The following AEN variants were observed in gnomAD, a reference collection of about 807,000 sequenced individuals.
AEN encodes the protein apoptosis-enhancing nuclease.
AEN carries 21 observed loss-of-function variants against 17.7 expected under a neutral mutation model. That is an observed-to-expected ratio of 1.19 (90% confidence interval 0.84 to 1.71). AEN has a LOEUF of 1.71. Ranked by LOEUF, AEN falls within the 40% of genes most tolerant of loss-of-function variation. AEN has a pLI of 0.00. For missense variants in AEN, 462 were observed against 435.9 expected, an observed-to-expected ratio of 1.06 and a Z score of -0.53; for synonymous variants, 190 against 173.0, an observed-to-expected ratio of 1.10 and a Z score of -0.77.
upstream of AEN, among the ~76,000 whole-genome samples, chr15:88,618,657 CTGT>C (rs535915576): frequency 2.5e-4 from 38 of 152,190 alleles, no homozygotes; most frequent in African/African-American, 7.9e-4. Context: ...AGAGGTGAGT[CTGT>C]TGTTTTGATT....
At chr15:88,623,806 G>A (rs987768980) in intron 1 of AEN, among the ~76,000 whole-genome samples, 4 of 152,192 alleles carry the variant, frequency 2.6e-5, no homozygotes, top group Non-Finnish European at 5.9e-5. Context: ...CTTGTGGAAG[G>A]GCCACCAGAG....
the AEN span, among the ~76,000 whole-genome samples, chr15:88,612,440 C>T: frequency 8.5e-5 from 13 of 152,258 alleles, no homozygotes; most frequent in Admixed American, 7.8e-4. Context: ...ATTTCTTGGT[C>T]CCAGTACCTG....
chr15:88,621,953 A>G (rs1156701705), intron 1 of AEN: 2 of 152,144 alleles, frequency 1.3e-5, no homozygotes, highest in Non-Finnish European at 2.9e-5. Flanking sequence ...ATCAGATGTC[A>G]TATGGTAATT....
At chr15:88,621,055 G>C (rs114507431), upstream of AEN, among the ~76,000 whole-genome samples, 727 of 152,322 alleles carry the variant, frequency 4.8e-3, 10 homozygotes, top group African/African-American at 0.017. Flanking sequence ...CCCGACCCAG[G>C]TAGAGGAGTG....
upstream of AEN, among the ~76,000 whole-genome samples, chr15:88,618,617 G>A (rs1006595904): frequency 6.6e-6 from 1 of 152,212 alleles, no homozygotes; most frequent in Non-Finnish European, 1.5e-5. Flanking sequence ...TGAGTCCAGA[G>A]ATGAGTATCA....
chr15:88,605,833 C>T, the AEN span, among the ~76,000 whole-genome samples: 2 of 152,226 alleles, frequency 1.3e-5, no homozygotes, highest in Non-Finnish European at 2.9e-5. The surrounding 1 kb of genome is among the most constrained non-coding windows in gnomAD (Gnocchi z 7.6). Context: ...GGCTGGACAG[C>T]GCCCCGGCCC....
In AEN at chr15:88,629,226, A is replaced by G; in HGVS notation, c.541A>G (p.Ile181Val). 6.2e-7 allele frequency: 1 copy of G among 1,613,790 alleles called. No homozygotes were observed. The highest frequency in any genetic ancestry group is 8.5e-7 in the Non-Finnish European group (1 of 1,179,846). ...AVPFQVAQKEILKLLKGKVVV... is the reference protein window; with the variant it reads ...AVPFQVAQKEVLKLLKGKVVV... The stretch of plus-strand genomic sequence containing the variant: ...CCCTGACTCCTCTTTCTGCTCACAG[A>G]TCCTTAAGCTCCTGAAGGGCAAGGT... Residue 181 changes from isoleucine (I) to valine (V), a missense_variant and splice_region_variant, in exon 3 of 4, where the codon ATC (isoleucine) becomes GTC (valine). Transcript: ENST00000332810.
Position 88,630,683 on chromosome 15 carries a change from C to T in AEN, c.*389C>T, listed in dbSNP as rs1441716134. The T allele has an allele frequency of 4.1e-6, 1 of 243,070 alleles. No individual in the cohort carries two copies. Among genetic ancestry groups the T allele is most frequent in the African/African-American group, 2.2e-5 (1 of 44,964 alleles). 15.1% of individuals were successfully genotyped at this position (243,070 alleles called of 1,614,324 possible). ...GTGCTAATGAAAGGGATCATATCAT[C>T]CTCTCTGGGGATGGTGGGTGGGGGT... On this transcript the variant is annotated 3_prime_UTR_variant, in exon 4 of 4. Transcript: ENST00000332810. This position sits in a 1 kb window ranked among gnomAD's most constrained non-coding sequence, Gnocchi z 5.1.
At chr15:88,629,861 T>G (rs773562315) in intron 3 of AEN, among the ~76,000 whole-genome samples, 197 bp from the exon 4 acceptor site, 17 of 152,186 alleles carry the variant, frequency 1.1e-4, no homozygotes, top group Admixed American at 2.6e-4. Flanking sequence ...TGCCTTATAT[T>G]TGAGGAAAAC....
At position 88,627,536 on chromosome 15, in the gene AEN, C is replaced by A. The variant is rs571704506; in HGVS notation, c.540+787C>A. 5.3e-5 allele frequency: 8 copies of A among 150,668 alleles called. No individual in the cohort carries two copies. In the East Asian group the frequency reaches 1.6e-3, roughly 29 times the overall value. 9.3% of individuals were successfully genotyped at this position (150,668 alleles called of 1,614,324 possible). ...ATACACCAATAAGTATGGCACTTTA[C>A]CTTGAAAAAGACCTGAACTTGCTTG... On this transcript the variant is annotated intron_variant, in intron 2 of 3. Transcript: ENST00000332810.
At chr15:88,627,743 A>C (rs1384508141) in intron 2 of AEN, 3 of 152,188 alleles carry the variant, frequency 2.0e-5, no homozygotes, top group African/African-American at 7.2e-5. Context: ...CTCTTGGCTT[A>C]GTTCAGTTGG....
the AEN span, chr15:88,608,191 A>G: frequency 1.9e-6 from 1 of 530,070 alleles, no homozygotes; most frequent in South Asian, 1.4e-5. Context: ...TCCTTTTCTG[A>G]CTAGCTGAGT....
chr15:88,612,462 C>T, the AEN span, among the ~76,000 whole-genome samples: 1 of 152,208 alleles, frequency 6.6e-6, no homozygotes, highest in Non-Finnish European at 1.5e-5. Context: ...CTCTGTGCTG[C>T]TACATCCAGA....
the AEN span, among the ~76,000 whole-genome samples, chr15:88,609,142 G>A: frequency 6.6e-6 from 1 of 152,130 alleles, no homozygotes; most frequent in Non-Finnish European, 1.5e-5. Context: ...TCATCACGGT[G>A]CTATCAAGAG....
chr15:88,623,736 C>T (rs1026365096), intron 1 of AEN, among the ~76,000 whole-genome samples: 10 of 152,224 alleles, frequency 6.6e-5, no homozygotes, highest in Admixed American at 6.5e-4. Flanking sequence ...CTCTGGGGCT[C>T]CCCCACTCAC....
chr15:88,622,975 A>T (rs2057807032), intron 1 of AEN, among the ~76,000 whole-genome samples: 1 of 152,142 alleles, frequency 6.6e-6, no homozygotes, highest in Non-Finnish European at 1.5e-5. Context: ...CAGATAACTT[A>T]ATTTCTGGCT....
intron 1 of AEN, among the ~76,000 whole-genome samples, chr15:88,622,768 T>C (rs765711810): frequency 3.3e-5 from 5 of 152,188 alleles, no homozygotes; most frequent in African/African-American, 9.7e-5. Flanking sequence ...GGTCTGGTTT[T>C]GGGTCTGGTG....
At position 88,630,002 on chromosome 15, in the gene AEN, G is replaced by A; in HGVS notation, c.742-56G>A. ...CTGGGAAACTGGCCTTGCTTCTTGGGGTAACAGGCCTCTCACTAGGCCTGC... is the reference window on the plus strand; with the variant it reads ...CTGGGAAACTGGCCTTGCTTCTTGGAGTAACAGGCCTCTCACTAGGCCTGC... On this transcript the variant is annotated intron_variant, in intron 3 of 3. Coordinates refer to ENST00000332810, the MANE Select transcript of AEN (RefSeq NM_022767.4). The surrounding 1 kb of genome is among the most constrained non-coding windows in gnomAD (Gnocchi z 5.1). 6.4e-7 allele frequency: 1 copy of A among 1,562,566 alleles called. No homozygotes were observed. Among genetic ancestry groups the A allele is most frequent in the African/African-American group, 1.4e-5 (1 of 73,982 alleles).
At chr15:88,627,797 T>C (rs1265273888) in intron 2 of AEN, 1 of 152,244 alleles carries the variant, frequency 6.6e-6, no homozygotes, top group African/African-American at 2.4e-5. Context: ...AGGATGAAAT[T>C]ATGCACAAGC....
Sources: gnomAD v4.1 joint callset for allele counts (sites outside exome capture counted in the v4.1 genomes callset) on GRCh38, gnomAD v4.1.1 for gene constraint, Gnocchi (gnomAD v3.1) non-coding constraint, MANE v1.5 for transcripts, NCBI Gene and HGNC (gene_info 2026-07-23, HGNC 2026-07-21) for gene names.